The following SLC39A11 variants were observed in gnomAD, a reference collection of about 807,000 sequenced individuals.
SLC39A11 encodes zinc transporter ZIP11.
In SLC39A11, 33 loss-of-function variants were observed where a neutral mutation model predicts 36.1. The ratio of observed to expected loss-of-function variants is 0.91; its 90% CI spans 0.69 to 1.22. SLC39A11 has a LOEUF of 1.22. Among genes scored for constraint, SLC39A11 ranks in the 50% most tolerant of loss-of-function variants. The pLI, the probability that SLC39A11 is intolerant of heterozygous loss-of-function variation, is 0.00. For missense variants in SLC39A11, 432 were observed against 430.3 expected (o/e 1.00, Z -0.03); for synonymous variants, 166 against 170.3 (o/e 0.97, Z 0.20).
chr17:72,870,299 G>C (rs1028568712), intron 5 of SLC39A11, among the ~76,000 whole-genome samples: 1 of 132,806 alleles, frequency 7.5e-6, no homozygotes, highest in Non-Finnish European at 1.6e-5. Context: ...CAGAGGCCCA[G>C]ATTATCTCTG....
At chr17:73,026,295 G>A (rs1460923101) in intron 4 of SLC39A11, among the ~76,000 whole-genome samples, 2 of 151,698 alleles carry the variant, frequency 1.3e-5, no homozygotes, top group African/African-American at 4.8e-5. Flanking sequence ...AAGCTGAGGT[G>A]AGTAGATTAC....
chr17:72,970,687 C>A (rs2087376082), intron 4 of SLC39A11, among the ~76,000 whole-genome samples: 1 of 152,184 alleles, frequency 6.6e-6, no homozygotes, highest in South Asian at 2.1e-4. Flanking sequence ...TAAAAAGTGG[C>A]TGGAGGACTG....
chr17:72,912,666 G>A (rs116669827), intron 5 of SLC39A11, among the ~76,000 whole-genome samples: 78,253 of 151,546 alleles, frequency 0.52, 20,241 homozygotes, highest in African/African-American at 0.55. Flanking sequence ...GAACCTGAGG[G>A]TACGGGGGTG....
At chr17:73,053,362 A>C (rs2059570423) in intron 3 of SLC39A11, among the ~76,000 whole-genome samples, 1 of 152,072 alleles carries the variant, frequency 6.6e-6, no homozygotes, top group Non-Finnish European at 1.5e-5. Flanking sequence ...GTAAGTAGTA[A>C]CCCTGAGGGC....
intron 7 of SLC39A11, among the ~76,000 whole-genome samples, chr17:72,712,421 AC>A (rs1413462535): frequency 6.6e-6 from 1 of 152,106 alleles, no homozygotes; most frequent in Non-Finnish European, 1.5e-5. Flanking sequence ...ACAAAGGTCA[AC>A]CCTCCCTTTA....
At chr17:72,793,640 G>T (rs2076792443) in intron 6 of SLC39A11, among the ~76,000 whole-genome samples, 1 of 152,068 alleles carries the variant, frequency 6.6e-6, no homozygotes. Flanking sequence ...ATGTTACCCA[G>T]GCTGGTCTCA....
intron 4 of SLC39A11, among the ~76,000 whole-genome samples, chr17:73,000,486 C>G (rs1312301739): frequency 6.6e-6 from 1 of 152,180 alleles, no homozygotes; most frequent in Non-Finnish European, 1.5e-5. Context: ...TGCTGCATGG[C>G]CAGTAGCAGT....
At chr17:72,824,262 C>G (rs892661472) in intron 6 of SLC39A11, among the ~76,000 whole-genome samples, 1 of 151,162 alleles carries the variant, frequency 6.6e-6, no homozygotes, top group African/African-American at 2.4e-5. Flanking sequence ...CCTTCACTCT[C>G]TCTCTCTCCT....
At chr17:72,687,607 G>A (rs1315054216) in intron 7 of SLC39A11, among the ~76,000 whole-genome samples, 1 of 152,146 alleles carries the variant, frequency 6.6e-6, no homozygotes, top group Non-Finnish European at 1.5e-5. Flanking sequence ...ATAAACTGTA[G>A]AACTCTGTGG....
chr17:72,949,343 T>G (rs71380151), intron 4 of SLC39A11, among the ~76,000 whole-genome samples: 1 of 151,604 alleles, frequency 6.6e-6, no homozygotes, highest in African/African-American at 2.4e-5. Flanking sequence ...GTGTTTTTAG[T>G]GGAGATAGGG....
intron 7 of SLC39A11, among the ~76,000 whole-genome samples, chr17:72,720,912 G>T (rs1252222788): frequency 6.6e-6 from 1 of 151,922 alleles, no homozygotes; most frequent in Admixed American, 6.6e-5. Flanking sequence ...AGGTATGAGG[G>T]GGTCTGCAGT....
intron 3 of SLC39A11, among the ~76,000 whole-genome samples, chr17:73,044,711 A>C (rs2059215540): frequency 1.3e-5 from 2 of 151,726 alleles, no homozygotes; most frequent in Non-Finnish European, 2.9e-5. Context: ...TCACCTCTAC[A>C]AAAAATACAA....
At chr17:72,949,778 T>C (rs1307560358) in intron 4 of SLC39A11, among the ~76,000 whole-genome samples, 1 of 151,832 alleles carries the variant, frequency 6.6e-6, no homozygotes, top group Admixed American at 6.6e-5. Flanking sequence ...CAGAAATAGG[T>C]CCAAACAAAC....
In SLC39A11 at chr17:72,979,124, TAGTG is replaced by T. The variant is rs1386622624; in HGVS notation, c.307-31253_307-31250del. 4.6e-5 allele frequency among the ~76,000 whole-genome samples: 7 copies of T among 152,288 alleles called. No individual in the cohort carries two copies. The East Asian group carries it at 7.7e-4, about 17-fold the overall frequency. On this transcript the variant is annotated intron_variant, in intron 4 of 9. Transcript: ENST00000255559. ...AGTTTCCCCCATGCTGTTCTCGTGATAGTGAGTGAGTTCTCACGAGATCTGATGG... is the reference window on the plus strand; with the variant it reads ...AGTTTCCCCCATGCTGTTCTCGTGATAGTGAGTTCTCACGAGATCTGATGG...
intron 5 of SLC39A11, among the ~76,000 whole-genome samples, chr17:72,911,531 G>C (rs548264654): frequency 3.9e-4 from 59 of 151,910 alleles, no homozygotes; most frequent in Admixed American, 6.6e-4. Flanking sequence ...TTACCCTCCC[G>C]ACCTCCCTTT....
intron 6 of SLC39A11, among the ~76,000 whole-genome samples, chr17:72,823,268 C>T (rs1290394703): frequency 1.3e-5 from 2 of 151,206 alleles, no homozygotes; most frequent in Non-Finnish European, 3.0e-5. Context: ...TCTTCTTACT[C>T]CCATCTCTCT....
intron 4 of SLC39A11, among the ~76,000 whole-genome samples, chr17:72,985,630 C>G (rs553708149): frequency 1.3e-5 from 2 of 152,184 alleles, no homozygotes; most frequent in South Asian, 4.2e-4. Context: ...CCAGGCTGGT[C>G]TCGAACTCCT....
chr17:73,004,232 A>AAAAGAAAGAAAGAAAGAAAGAAAG (rs59543378), intron 4 of SLC39A11, among the ~76,000 whole-genome samples: 1 of 88,644 alleles, frequency 1.1e-5, no homozygotes, highest in African/African-American at 4.2e-5. Flanking sequence ...AGAAAGAAAG[A>AAAAGAAAGAAAGAAAGAAAGAAAG]AAAGAAAGAA....
chr17:72,868,214 A>G (rs1251215203), intron 5 of SLC39A11, among the ~76,000 whole-genome samples: 1 of 152,178 alleles, frequency 6.6e-6, no homozygotes, highest in Non-Finnish European at 1.5e-5. Context: ...GGAACAAATA[A>G]TCCCCATCCC....
Sources: gnomAD v4.1 joint callset for allele counts (sites outside exome capture counted in the v4.1 genomes callset) on GRCh38, gnomAD v4.1.1 for gene constraint, MANE v1.5 for transcripts, NCBI Gene and HGNC (gene_info 2026-07-23, HGNC 2026-07-21) for gene names.